BTD: variants seen among roughly 807,000 people sequenced by gnomAD.
The protein encoded by BTD is biotinidase.
Under a neutral mutation model 17.7 loss-of-function variants are expected in BTD, and 13 were observed. The ratio of observed to expected loss-of-function variants is 0.74; its 90% CI spans 0.48 to 1.17. BTD has a LOEUF of 1.17. Ranked by LOEUF, BTD falls within the 50% of genes most tolerant of loss-of-function variation. The pLI is 0.00. For missense variants in BTD, 674 were observed against 650.4 expected, an observed-to-expected ratio of 1.04 and a Z score of -0.39; for synonymous variants, 240 against 245.2, an observed-to-expected ratio of 0.98 and a Z score of 0.20.
intron 1 of BTD, chr3:15,602,338 C>T: frequency 9.6e-7 from 1 of 1,042,124 alleles, no homozygotes; most frequent in African/African-American, 1.7e-5. Flanking sequence ...TTTCTCCAGC[C>T]CTTGCTACTA....
chr3:15,615,572 T>C (rs2064768253), intron 1 of BTD, among the ~76,000 whole-genome samples: 1 of 152,238 alleles, frequency 6.6e-6, no homozygotes, highest in East Asian at 1.9e-4. Flanking sequence ...TTTCAGTTAC[T>C]TGATTTTAGT....
chr3:15,636,957 G>T (rs568473098), intron 2 of BTD, among the ~76,000 whole-genome samples: 1 of 152,156 alleles, frequency 6.6e-6, no homozygotes, highest in Non-Finnish European at 1.5e-5. Flanking sequence ...CAGTGGCTCA[G>T]ACTCACAGGT....
intron 3 of BTD, among the ~76,000 whole-genome samples, chr3:15,699,064 C>T (rs1406787770): frequency 6.6e-6 from 1 of 152,150 alleles, no homozygotes; most frequent in East Asian, 1.9e-4. Flanking sequence ...TGGAACAGAA[C>T]AGAGGCCTCA....
downstream of BTD, chr3:15,714,606 G>C: frequency 6.3e-7 from 1 of 1,597,176 alleles, no homozygotes; most frequent in Non-Finnish European, 8.5e-7. Flanking sequence ...GTGATCGGGA[G>C]AATCTACCGT....
downstream of BTD, chr3:15,713,419 A>G (rs1575328994): frequency 2.5e-6 from 2 of 804,382 alleles, no homozygotes; most frequent in East Asian, 5.5e-5. Flanking sequence ...CAATTAATAC[A>G]ACATTGAGGA....
intron 2 of BTD, among the ~76,000 whole-genome samples, chr3:15,638,651 G>C (rs1008769491): frequency 2.6e-5 from 4 of 152,216 alleles, no homozygotes; most frequent in African/African-American, 9.6e-5. Flanking sequence ...TTGAAATACA[G>C]TCATGCATTG....
chr3:15,721,917 T>A, exon 5 of BTD, among the ~76,000 whole-genome samples: 1 of 152,090 alleles, frequency 6.6e-6, no homozygotes. Flanking sequence ...GGCTAATATT[T>A]GTATTTTAGT....
chr3:15,712,252 C>A, exon 4 of BTD: 6 of 1,494,526 alleles, frequency 4.0e-6, no homozygotes, highest in Non-Finnish European at 5.5e-6. Context: ...ACAGTATCTT[C>A]ATTTTAACAC....
At chr3:15,637,764 A>G (rs936403813) in intron 2 of BTD, among the ~76,000 whole-genome samples, 1 of 152,068 alleles carries the variant, frequency 6.6e-6, no homozygotes, top group Non-Finnish European at 1.5e-5. Flanking sequence ...TCCCTCCCCT[A>G]TCCACCGGAC....
chr3:15,711,367 C>T (rs2072253812), exon 4 of BTD: 1 of 1,035,262 alleles, frequency 9.7e-7, no homozygotes, highest in East Asian at 2.5e-5. Context: ...TCCTCCCCTC[C>T]AATCCCAAAC....
chr3:15,601,703 C>T (rs1681140584), upstream of BTD: 4 of 1,560,366 alleles, frequency 2.6e-6, no homozygotes, highest in South Asian at 1.2e-5. Flanking sequence ...TTCTCGGCTC[C>T]TCCATTCGCG....
In BTD at chr3:15,635,539, G is replaced by A. The variant is rs397514338; in HGVS notation, c.100G>A (p.Glu34Lys). Residue 34 changes from glutamate to lysine, a missense_variant, in exon 2 of 4, where the codon GAG becomes AAG. Transcript: ENST00000643237. The surrounding 1 kb of genome is among the most constrained non-coding windows in gnomAD (Gnocchi z 4.1). The part of the protein sequence containing the change: ...TGEESVADHH[E>K]AEYYVAAVYE... ...GGAGGAGAGCGTGGCTGACCATCAC[G>A]AGGCTGAATATTATGTGGCTGCCGT... 1.6e-5 allele frequency: 26 copies of A among 1,614,150 alleles called. No homozygotes were observed. The South Asian group carries it at 1.8e-4, about 11-fold the overall frequency.
At chr3:15,677,450 T>C (rs2067062115) in intron 3 of BTD, 5 of 1,532,882 alleles carry the variant, frequency 3.3e-6, no homozygotes, top group Non-Finnish European at 4.5e-6. Context: ...ATATTAACAA[T>C]GGAAACATAT....
chr3:15,670,073 A>G, intron 3 of BTD: 1 of 582,638 alleles, frequency 1.7e-6, no homozygotes, highest in Non-Finnish European at 3.0e-6. Flanking sequence ...AGTCAGGTCT[A>G]TTTCAAGATT....
At chr3:15,654,122 T>C (rs950506109), downstream of BTD, among the ~76,000 whole-genome samples, 1 of 152,214 alleles carries the variant, frequency 6.6e-6, no homozygotes, top group Non-Finnish European at 1.5e-5. Flanking sequence ...CTAAAAGATA[T>C]TTGTGCAGAT....
chr3:15,688,470 G>C lies in BTD; in HGVS notation c.400-21590G>C, dbSNP rs144343058. On this transcript the variant is annotated intron_variant, in intron 3 of 3. Transcript: ENST00000672141. ...CACTCTTTTTCAGAATAAGGTAACA[G>C]CAAGTAATGCATTTTAACCTCTTGT... Among the ~76,000 whole-genome samples, 191 of 152,294 alleles carry C rather than the reference G, an allele frequency of 1.3e-3. 1 individual carries two copies. The highest frequency in any genetic ancestry group is 3.8e-3 in the African/African-American group (156 of 41,570).
chr3:15,633,523 G>C (rs2065266629), intron 1 of BTD, among the ~76,000 whole-genome samples: 1 of 152,086 alleles, frequency 6.6e-6, no homozygotes, highest in Non-Finnish European at 1.5e-5. Flanking sequence ...TCCTTGTTTT[G>C]CTGGATTGCA....
At chr3:15,641,843 G>T (rs1371158135) in intron 2 of BTD, 65 bp from the exon 3 acceptor site, 12 of 1,210,574 alleles carry the variant, frequency 9.9e-6, no homozygotes, top group Non-Finnish European at 1.4e-5. Context: ...ACAGAAGAAT[G>T]AATGAATGCA....
intron 1 of BTD, among the ~76,000 whole-genome samples, chr3:15,614,626 C>G (rs1266211893): frequency 2.1e-5 from 3 of 141,720 alleles, no homozygotes; most frequent in African/African-American, 8.0e-5. Flanking sequence ...GACACAGAGT[C>G]TCTCTCTATT....
Sources: allele counts gnomAD v4.1 joint callset (sites outside exome capture counted in the v4.1 genomes callset), GRCh38; gene constraint gnomAD v4.1.1; non-coding constraint Gnocchi (gnomAD v3.1); transcripts MANE v1.5; gene names NCBI Gene and HGNC (gene_info 2026-07-23, HGNC 2026-07-21).